The following CACNA1D variants were observed in gnomAD, a reference collection of about 807,000 sequenced individuals.
The protein encoded by CACNA1D is voltage-dependent L-type calcium channel subunit alpha-1D.
A neutral mutation model predicts 257.1 loss-of-function variants in CACNA1D; 55 were observed. That is an observed-to-expected ratio of 0.21 (90% CI 0.17 to 0.27). CACNA1D has a LOEUF of 0.27. Among genes scored for constraint, CACNA1D ranks in the 10% least tolerant of loss-of-function variants. The probability of loss-of-function intolerance (pLI) is 1.00; values close to 1 mark genes in which losing one functional copy is unlikely to be tolerated. For missense variants in CACNA1D, 1,876 were observed against 2,784.0 expected, an observed-to-expected ratio of 0.67 and a Z score of 7.34; for synonymous variants, 980 against 1,014.9, an observed-to-expected ratio of 0.97 and a Z score of 0.65.
At chr3:53,776,567 C>A in intron 35 of CACNA1D, 36 bp from the exon 36 acceptor site, 1 of 1,613,756 alleles carries the variant, frequency 6.2e-7, no homozygotes, top group Non-Finnish European at 8.5e-7. Flanking sequence ...AATCCAGCTG[C>A]AGCTGAAGTT....
In CACNA1D at chr3:53,660,283, C is replaced by T. The variant is rs984675716; in HGVS notation, c.766+8C>T. 2 of 1,613,686 alleles carry T rather than the reference C, an allele frequency of 1.2e-6. No homozygotes were observed. Among genetic ancestry groups the T allele is most frequent in the East Asian group, 2.2e-5 (1 of 44,880 alleles). On this transcript the variant is annotated splice_region_variant and intron_variant, in intron 5 of 47. Coordinates refer to ENST00000350061, the MANE Select transcript of CACNA1D (RefSeq NM_001128840.3). ...TAGTGTCAGGAGTGCCCAGTAAGCA[C>T]TTATTGTTTCCTAGAGTCAGGAGTG...
chr3:53,566,556 C>T (rs770552340), intron 3 of CACNA1D, among the ~76,000 whole-genome samples: 3 of 152,144 alleles, frequency 2.0e-5, no homozygotes, highest in Admixed American at 6.5e-5. Flanking sequence ...CTTCCCCTCC[C>T]CACACACTAG....
At chr3:53,684,293 A>T (rs144394358) in intron 8 of CACNA1D, among the ~76,000 whole-genome samples, 6 of 152,202 alleles carry the variant, frequency 3.9e-5, no homozygotes, top group Admixed American at 1.3e-4. Context: ...AGAAGAAAAT[A>T]ATACCAGATA....
intron 8 of CACNA1D, among the ~76,000 whole-genome samples, chr3:53,674,633 A>G (rs1576312888): frequency 6.6e-6 from 1 of 152,362 alleles, no homozygotes; most frequent in East Asian, 1.9e-4. Flanking sequence ...GCCATCCCAG[A>G]ACCCTTGTGG....
At chr3:53,497,677 A>G (rs2090410135) in intron 2 of CACNA1D, among the ~76,000 whole-genome samples, 1 of 151,992 alleles carries the variant, frequency 6.6e-6, no homozygotes, top group African/African-American at 2.4e-5. Context: ...GGATGTGTGT[A>G]TAGTAGTAGT....
At chr3:53,788,536 TAGA>T (rs1477806761) in intron 40 of CACNA1D, among the ~76,000 whole-genome samples, 1 of 152,226 alleles carries the variant, frequency 6.6e-6, no homozygotes, top group Admixed American at 6.5e-5. Flanking sequence ...GTTTGCAGAT[TAGA>T]AGAAGTCTCT....
At chr3:53,600,185 C>A (rs1177390037) in intron 3 of CACNA1D, among the ~76,000 whole-genome samples, 1 of 152,224 alleles carries the variant, frequency 6.6e-6, no homozygotes, top group South Asian at 2.1e-4. Flanking sequence ...TTCATTTGGC[C>A]AGCATGTATC....
intron 3 of CACNA1D, among the ~76,000 whole-genome samples, chr3:53,631,140 T>C (rs2093818589): frequency 6.6e-6 from 1 of 152,170 alleles, no homozygotes; most frequent in East Asian, 1.9e-4. Context: ...ACATGATAGA[T>C]TCTTCCTTTC....
At chr3:53,644,872 A>G (rs892594998) in intron 3 of CACNA1D, among the ~76,000 whole-genome samples, 1 of 151,998 alleles carries the variant, frequency 6.6e-6, no homozygotes, top group Non-Finnish European at 1.5e-5. Context: ...TGGTAGTTCC[A>G]CTCTTAATTT....
chr3:53,722,302 C>T lies in CACNA1D; in HGVS notation c.1506-12C>T, dbSNP rs1442360950. On this transcript the variant is annotated splice_polypyrimidine_tract_variant and intron_variant, in intron 11 of 47. Transcript: ENST00000350061. The stretch of plus-strand genomic sequence containing the variant: ...TCTGTCATCTACGTAGTAATGTTTG[C>T]TTGTCTTTTAGCCGACGCTGGCGTC... 1 of 1,613,790 alleles carries T rather than the reference C, an allele frequency of 6.2e-7. No individual in the cohort carries two copies. Among genetic ancestry groups the T allele is most frequent in the Non-Finnish European group, 8.5e-7 (1 of 1,179,986 alleles).
rs183695570 is a variant in CACNA1D at position 53,730,588 on chromosome 3, A to G, written c.2336+32A>G. The stretch of plus-strand genomic sequence containing the variant: ...CTATTTTCCCCTGACGTGTTTGTCC[A>G]GGGGCTGTGTTGGGAGCCCTGCAAC... On this transcript the variant is annotated intron_variant, in intron 16 of 47. Transcript: ENST00000350061. The G allele has an allele frequency of 4.6e-6, 7 of 1,509,102 alleles. No individual in the cohort carries two copies. In the East Asian group the frequency reaches 1.6e-4, roughly 34 times the overall value. The allele number at this position is 1,509,102 out of a possible 1,614,324, so 93.5% of individuals were successfully genotyped here.
chr3:53,765,479 C>CAT (rs1412823869), intron 30 of CACNA1D: 18 of 152,610 alleles, frequency 1.2e-4, no homozygotes, highest in African/African-American at 4.3e-4. Context: ...TATATATAAG[C>CAT]ATATATACGG....
chr3:53,754,071 A>G (rs2095246456), intron 29 of CACNA1D, among the ~76,000 whole-genome samples: 2 of 152,196 alleles, frequency 1.3e-5, no homozygotes, highest in Admixed American at 1.3e-4. Flanking sequence ...CCCTGATTAT[A>G]CTTTCAGATA....
At chr3:53,574,106 T>C (rs916764277) in intron 3 of CACNA1D, among the ~76,000 whole-genome samples, 3 of 152,170 alleles carry the variant, frequency 2.0e-5, no homozygotes, top group African/African-American at 7.2e-5. Flanking sequence ...CATCTCAGGG[T>C]GCTCGATGCA....
chr3:53,558,844 T>G (rs1575864288), intron 3 of CACNA1D, among the ~76,000 whole-genome samples: 1 of 152,188 alleles, frequency 6.6e-6, no homozygotes, highest in African/African-American at 2.4e-5. Flanking sequence ...TAGGTATTGA[T>G]TTCTTTGAGA....
In CACNA1D at chr3:53,730,569, TC is replaced by T. The variant is rs1340205559; in HGVS notation, c.2336+17del. 36 of 1,577,566 alleles carry T rather than the reference TC, an allele frequency of 2.3e-5. No individual in the cohort carries two copies. The highest frequency in any genetic ancestry group is 3.1e-5 in the Non-Finnish European group (35 of 1,147,354). On this transcript the variant is annotated intron_variant, in intron 16 of 47. Transcript: ENST00000350061. ...AAAAGATTGCCAGGTAACCCTATTT[TC>T]CCCTGACGTGTTTGTCCAGGGGCTG...
intron 10 of CACNA1D, 116 bp downstream of exon 10, chr3:53,718,504 G>A (rs1283445455): frequency 3.7e-6 from 4 of 1,083,284 alleles, no homozygotes; most frequent in Admixed American, 3.9e-5. Flanking sequence ...GGTGTGGCGG[G>A]TGGGAAGGCT....
At chr3:53,554,205 A>G (rs2092596314) in intron 3 of CACNA1D, among the ~76,000 whole-genome samples, 1 of 152,092 alleles carries the variant, frequency 6.6e-6, no homozygotes, top group African/African-American at 2.4e-5. Context: ...CAAAAAAAAA[A>G]AAAAGGTGGA....
chr3:53,688,147 T>G (rs1323455675), intron 8 of CACNA1D, among the ~76,000 whole-genome samples: 1 of 152,186 alleles, frequency 6.6e-6, no homozygotes, highest in Non-Finnish European at 1.5e-5. Flanking sequence ...CATAGAGCCT[T>G]ATTCATAGTA....
Sources: gnomAD v4.1 joint callset for allele counts (sites outside exome capture counted in the v4.1 genomes callset) on GRCh38, gnomAD v4.1.1 for gene constraint, MANE v1.5 for transcripts, NCBI Gene and HGNC (gene_info 2026-07-23, HGNC 2026-07-21) for gene names.